Variants in GOSR2 observed in about 807,000 individuals in gnomAD.
The protein encoded by GOSR2 is golgi SNAP receptor complex member 2, also known as 27 kDa Golgi SNARE protein.
Under a neutral mutation model 27.9 loss-of-function variants are expected in GOSR2, and 20 were observed. The observed-to-expected ratio is 0.72, with a 90% CI of 0.50 to 1.04. The LOEUF (loss-of-function observed/expected upper bound fraction) is 1.04. GOSR2 is among the 50% of genes least tolerant of loss of function. The pLI is 0.00. For missense variants in GOSR2, 261 were observed against 270.5 expected (o/e 0.97, Z 0.25); for synonymous variants, 91 against 98.8 (o/e 0.92, Z 0.47).
At chr17:46,932,483 T>C (rs1161247184) in intron 4 of GOSR2, 1 of 594,276 alleles carries the variant, frequency 1.7e-6, no homozygotes, top group Non-Finnish European at 3.0e-6. Flanking sequence ...AAGGTGGAAG[T>C]TCACATGGTG....
At chr17:46,928,655 A>G (rs1033417322) in intron 1 of GOSR2, among the ~76,000 whole-genome samples, 2 of 152,092 alleles carry the variant, frequency 1.3e-5, no homozygotes, top group African/African-American at 4.8e-5. Context: ...ATTGTCGGAG[A>G]AGGATGTTTA....
chr17:46,950,791 A>G (rs1439308453), intron 6 of GOSR2, among the ~76,000 whole-genome samples: 1 of 152,192 alleles, frequency 6.6e-6, no homozygotes, highest in East Asian at 1.9e-4. Context: ...GATGAGATCA[A>G]AACTGTCCAG....
rs58438726 is a variant in GOSR2, at chr17:46,974,987, CT to C, written c.616-186del. On this transcript the variant is annotated intron_variant, in intron 6 of 6. Transcript: ENST00000640723. ...CTTTTCAAATATGAATTACTATTTT[CT>C]TTTTTTTTTTTTTTTTTTTTTTTTT... Among the ~76,000 whole-genome samples the C allele has an allele frequency of 4.1e-3, 488 of 118,984 alleles. 3 individuals are homozygous for C. Among genetic ancestry groups the C allele is most frequent in the African/African-American group, 0.014 (452 of 31,268 alleles). The allele number at this position is 118,984 out of a possible 152,430, so 78.1% of individuals were successfully genotyped here.
In GOSR2 at chr17:46,941,065, C is replaced by T. The variant is rs1304534382; in HGVS notation, c.*2305C>T. ...TGCAAGAAACTCCGGTAGCCAGCCT[C>T]TGTGACCTTGTACATGAGTTTGGTG... On this transcript the variant is annotated 3_prime_UTR_variant, in exon 6 of 6. Transcript: ENST00000640051. 13 of 1,081,246 alleles carry T rather than the reference C, an allele frequency of 1.2e-5. No homozygotes were observed. Among genetic ancestry groups the T allele is most frequent in the Non-Finnish European group, 1.4e-5 (12 of 886,254 alleles). 67.0% of individuals were successfully genotyped at this position (1,081,246 alleles called of 1,614,324 possible). A position where few individuals can be genotyped will look rare whatever the true frequency, so the allele number is the denominator to read the frequency against.
At chr17:46,944,890 G>A (rs1031783463), downstream of GOSR2, among the ~76,000 whole-genome samples, 2 of 152,048 alleles carry the variant, frequency 1.3e-5, no homozygotes, top group Admixed American at 1.3e-4. Context: ...ATAAGCCACC[G>A]CAGCCGGCCT....
chr17:46,947,974 T>C (rs1190995664), intron 6 of GOSR2, among the ~76,000 whole-genome samples: 1 of 152,234 alleles, frequency 6.6e-6, no homozygotes, highest in African/African-American at 2.4e-5. Flanking sequence ...TTCACCATGT[T>C]GGCCAGGCTG....
chr17:46,939,389 A>T lies in GOSR2; in HGVS notation c.*629A>T, dbSNP rs866232087. On this transcript the variant is annotated 3_prime_UTR_variant, in exon 6 of 6. Coordinates refer to ENST00000640051, the MANE Select transcript of GOSR2 (RefSeq NM_004287.5). ...TAACAAGTAAGATTTTCCACACTAC[A>T]GCTGGGTGTTTCTCTTTTCTAAAGT... 1.2e-4 allele frequency: 116 copies of T among 997,954 alleles called. No homozygotes were observed. The highest frequency in any genetic ancestry group is 3.1e-4 in the Admixed American group (6 of 19,120). The allele number at this position is 997,954 out of a possible 1,614,324, so 61.8% of individuals were successfully genotyped here. A position where few individuals can be genotyped will look rare whatever the true frequency, so the allele number is the denominator to read the frequency against.
At chr17:46,965,869 G>A (rs1331234536) in intron 6 of GOSR2, among the ~76,000 whole-genome samples, 1 of 150,922 alleles carries the variant, frequency 6.6e-6, no homozygotes, top group Non-Finnish European at 1.5e-5. Flanking sequence ...GGTCTCAAGT[G>A]ATCCTCTTGC....
At chr17:46,929,610 A>T (rs746615422) in intron 2 of GOSR2, 26 bp downstream of exon 2, 6 of 1,189,822 alleles carry the variant, frequency 5.0e-6, no homozygotes, top group Non-Finnish European at 6.3e-6. Context: ...TGGAGACCAG[A>T]GTCCTTTCTC....
At chr17:46,963,785 G>C (rs145287845) in intron 6 of GOSR2, 2 of 152,200 alleles carry the variant, frequency 1.3e-5, no homozygotes, top group Non-Finnish European at 2.9e-5. Flanking sequence ...GAGAGGTGGG[G>C]ACTGGCTGAA....
At chr17:46,946,910 G>T (rs1653490068), downstream of GOSR2, among the ~76,000 whole-genome samples, 1 of 152,200 alleles carries the variant, frequency 6.6e-6, no homozygotes, top group South Asian at 2.1e-4. Flanking sequence ...CAGCAGTCAA[G>T]TGCCAAGCAA....
chr17:46,944,047 A>G (rs1050165047), downstream of GOSR2, among the ~76,000 whole-genome samples: 2 of 152,150 alleles, frequency 1.3e-5, no homozygotes, highest in African/African-American at 4.8e-5. Context: ...CCTTCCAGGC[A>G]TCTGTGACAT....
chr17:46,967,007 A>T, downstream of GOSR2: 1 of 237,316 alleles, frequency 4.2e-6, no homozygotes, highest in Non-Finnish European at 8.1e-6. Context: ...GTGATGTGTG[A>T]AGTCCCTTGA....
chr17:46,969,873 C>G (rs1009773528), downstream of GOSR2, among the ~76,000 whole-genome samples: 2 of 152,184 alleles, frequency 1.3e-5, no homozygotes, highest in Admixed American at 6.5e-5. Context: ...CCCTTGCCCC[C>G]TCTCTGGTGC....
downstream of GOSR2, among the ~76,000 whole-genome samples, chr17:46,944,896 G>A (rs544218486): frequency 2.6e-5 from 4 of 152,240 alleles, no homozygotes; most frequent in African/African-American, 4.8e-5. Flanking sequence ...CACCGCAGCC[G>A]GCCTTAATTT....
Position 46,939,960 on chromosome 17 carries a change from A to G in GOSR2, c.*1200A>G, listed in dbSNP as rs2089024013. 3 of 1,007,436 alleles carry G rather than the reference A, an allele frequency of 3.0e-6. No individual in the cohort carries two copies. Among genetic ancestry groups the G allele is most frequent in the African/African-American group, 1.7e-5 (1 of 57,788 alleles). The allele number at this position is 1,007,436 out of a possible 1,614,324, so 62.4% of individuals were successfully genotyped here. A position where few individuals can be genotyped will look rare whatever the true frequency, so the allele number is the denominator to read the frequency against. ...TACCAGCCCTGGGCACAGCAGCTTCATGGCAAGACATAAAATGACACTCAA... is the reference window on the plus strand; with the variant it reads ...TACCAGCCCTGGGCACAGCAGCTTCGTGGCAAGACATAAAATGACACTCAA... On this transcript the variant is annotated 3_prime_UTR_variant, in exon 6 of 6. Coordinates refer to ENST00000640051, the MANE Select transcript of GOSR2 (RefSeq NM_004287.5).
At position 46,940,805 on chromosome 17, in the gene GOSR2, C is replaced by T. The variant is rs1681885108; in HGVS notation, c.*2045C>T. On this transcript the variant is annotated 3_prime_UTR_variant, in exon 6 of 6. Transcript: ENST00000640051. ...AAAATTGCAGAGGTGGTTTTTGGGTCTTTACCACCTGCGGCTGGTGGACAG... is the reference window on the plus strand; with the variant it reads ...AAAATTGCAGAGGTGGTTTTTGGGTTTTTACCACCTGCGGCTGGTGGACAG... 2.0e-6 allele frequency: 3 copies of T among 1,482,188 alleles called. No homozygotes were observed. The highest frequency in any genetic ancestry group is 1.3e-5 in the South Asian group (1 of 74,640). 91.8% of individuals were successfully genotyped at this position (1,482,188 alleles called of 1,614,324 possible). A position where few individuals can be genotyped will look rare whatever the true frequency, so the allele number is the denominator to read the frequency against.
chr17:46,945,994 C>G (rs1236523578), downstream of GOSR2, among the ~76,000 whole-genome samples: 2 of 152,176 alleles, frequency 1.3e-5, no homozygotes, highest in African/African-American at 4.8e-5. Context: ...AAAGGGCAGC[C>G]TCTCTTACCT....
downstream of GOSR2, among the ~76,000 whole-genome samples, chr17:46,944,278 G>A (rs944465619): frequency 1.3e-5 from 2 of 152,236 alleles, no homozygotes; most frequent in South Asian, 2.1e-4. Flanking sequence ...TACAGCGGCC[G>A]GAGGCTGTGG....
Sources: gnomAD v4.1 joint callset for allele counts (sites outside exome capture counted in the v4.1 genomes callset) on GRCh38, gnomAD v4.1.1 for gene constraint, MANE v1.5 for transcripts, NCBI Gene and HGNC (gene_info 2026-07-23, HGNC 2026-07-21) for gene names.